Variants in CASKIN2 observed in about 807,000 individuals in gnomAD.
CASKIN2 encodes caskin-2.
A neutral mutation model predicts 107.1 loss-of-function variants in CASKIN2; 41 were observed. The ratio of observed to expected loss-of-function variants is 0.38; its 90% CI spans 0.30 to 0.50. The LOEUF (loss-of-function observed/expected upper bound fraction) is 0.50, where lower values mean the gene tolerates loss of function less well. Among genes scored for constraint, CASKIN2 ranks in the 20% least tolerant of loss-of-function variants. The pLI is 0.92. For synonymous variants in CASKIN2, 724 were observed against 705.6 expected, an observed-to-expected ratio of 1.03 and a Z score of -0.41; for missense variants, 1,546 against 1,657.4, an observed-to-expected ratio of 0.93 and a Z score of 1.17.
At chr17:75,513,608 C>T (rs968899208) in intron 2 of CASKIN2, 103 bp downstream of exon 2, 3 of 951,272 alleles carry the variant, frequency 3.2e-6, no homozygotes, top group Admixed American at 2.0e-5. Flanking sequence ...AGACAGTCCA[C>T]CCTCCTCAAA....
At position 75,502,229 on chromosome 17, in the gene CASKIN2, C is replaced by A. The variant is rs753175819; in HGVS notation, c.2845G>T (p.Gly949Trp). The A allele has an allele frequency of 6.9e-6, 11 of 1,582,910 alleles. No homozygotes were observed. Among genetic ancestry groups the A allele is most frequent in the Non-Finnish European group, 7.7e-6 (9 of 1,170,078 alleles). ...TTCCCTTCCTCTGCAAACGGCAGCC[C>A]TTCCCCAGAGCTGCCCCGAGATGGG... ...TPPSRGSSGE[G>W]LPFAEEGNLT... Residue 949 changes from glycine (G) to tryptophan (W), a missense_variant, in exon 18 of 20, where the codon GGG becomes TGG. Gly to Trp is a radical substitution (Grantham distance 184). Around this residue, in one of 6 missense-constraint regions of CASKIN2, gnomAD observed 1,311 missense variants for 1,311.0 expected, o/e 1.00. Transcript: ENST00000321617. This position sits in a 1 kb window ranked among gnomAD's most constrained non-coding sequence, Gnocchi z 4.3.
At chr17:75,512,234 AGAG>A (rs2053321377) in intron 2 of CASKIN2, among the ~76,000 whole-genome samples, 1 of 152,208 alleles carries the variant, frequency 6.6e-6, no homozygotes. Flanking sequence ...CCTGAACTCC[AGAG>A]GAGACCTTCC....
Position 75,502,473 on chromosome 17 carries a change from G to GA in CASKIN2, c.2600_2601insT (p.Pro870AlafsTer22). On this transcript the variant is annotated frameshift_variant, in exon 18 of 20. Coordinates refer to ENST00000321617, the MANE Select transcript of CASKIN2 (RefSeq NM_020753.5). LOFTEE classifies it high-confidence loss of function. The surrounding 1 kb of genome is among the most constrained non-coding windows in gnomAD (Gnocchi z 4.3). Reference sequence around the variant, plus strand: ...GGCGCTTGGGGGGCGGGGGCGGGGGGCCTTTGCGCCGGGCCCGCAGGGCAA... The same window carrying GA: ...GGCGCTTGGGGGGCGGGGGCGGGGGGACCTTTGCGCCGGGCCCGCAGGGCAA... 1 of 1,437,608 alleles carries GA rather than the reference G, an allele frequency of 7.0e-7. No individual in the cohort carries two copies. Among genetic ancestry groups the GA allele is most frequent in the Non-Finnish European group, 9.2e-7 (1 of 1,086,134 alleles). 89.1% of individuals were successfully genotyped at this position (1,437,608 alleles called of 1,614,324 possible).
chr17:75,502,970 C>T lies in CASKIN2; in HGVS notation c.2104G>A (p.Gly702Arg), dbSNP rs748324444. ...TGGCCAGACCCCCGTGAGCGTGCCCCGATGCTCTCCTGGCTGGGAGAGCGG... is the reference window on the plus strand; with the variant it reads ...TGGCCAGACCCCCGTGAGCGTGCCCTGATGCTCTCCTGGCTGGGAGAGCGG... ...PARSPSQESI[G>R]ARSRGSGHSQ... The change falls in exon 18 of 20, where the codon GGG (glycine) becomes AGG (arginine). Residue 702 changes from glycine (G) to arginine (R), a missense_variant. Coordinates refer to ENST00000321617, the MANE Select transcript of CASKIN2 (RefSeq NM_020753.5). The surrounding 1 kb of genome is among the most constrained non-coding windows in gnomAD (Gnocchi z 4.3). 2.6e-5 allele frequency: 42 copies of T among 1,599,262 alleles called. No individual in the cohort carries two copies. Among genetic ancestry groups the T allele is most frequent in the East Asian group, 2.2e-5 (1 of 44,680 alleles).
chr17:75,508,373 C>G (rs1165694785), intron 2 of CASKIN2, 88 bp from the exon 3 acceptor site: 3 of 1,447,924 alleles, frequency 2.1e-6, no homozygotes, highest in Non-Finnish European at 1.9e-6. Flanking sequence ...CCCGGCTGAC[C>G]TCTTGGCGTG....
At position 75,504,850 on chromosome 17, in the gene CASKIN2, C is replaced by T. The variant is rs77062784; in HGVS notation, c.1154G>A (p.Ser385Asn). ...AEEPPHPLTYSQLPRVGLSPD... is the reference protein window; with the variant it reads ...AEEPPHPLTYNQLPRVGLSPD... ...GCTGAGGCCCACCCGAGGAAGCTGG[C>T]TGTAGGTAAGAGGGTGCGGGGGTTC... Residue 385 changes from serine to asparagine, a missense_variant, in exon 11 of 20, where the codon AGC becomes AAC. Physicochemically the swap from Ser to Asn is conservative, Grantham distance 46. Transcript: ENST00000321617. The T allele has an allele frequency of 1.2e-3, 1,985 of 1,609,528 alleles. 7 individuals carry two copies. In the Middle Eastern group the frequency reaches 0.026, roughly 21 times the overall value.
In CASKIN2 at chr17:75,500,727, G is replaced by A. The variant is rs1000240380; in HGVS notation, c.*353C>T. 1 of 299,196 alleles carries A rather than the reference G, an allele frequency of 3.3e-6. No homozygotes were observed. Among genetic ancestry groups the A allele is most frequent in the African/African-American group, 2.2e-5 (1 of 44,526 alleles). 18.5% of individuals were successfully genotyped at this position (299,196 alleles called of 1,614,324 possible). On this transcript the variant is annotated 3_prime_UTR_variant, in exon 20 of 20. Transcript: ENST00000321617. ...TCCCTTGGCACAACTTGGGACATGG[G>A]CTGGGGGGTACAGAGAAAGCACCCC...
chr17:75,509,453 A>C lies in CASKIN2; in HGVS notation c.95-1168T>G, dbSNP rs2053298680. 4.3e-6 allele frequency: 2 copies of C among 469,962 alleles called. 1 individual carries two copies. The highest frequency in any genetic ancestry group is 1.8e-4 in the South Asian group (2 of 11,098). 29.1% of individuals were successfully genotyped at this position (469,962 alleles called of 1,614,324 possible). A position where few individuals can be genotyped will look rare whatever the true frequency, so the allele number is the denominator to read the frequency against. ...GGAGGGACCAACCTGGCAGTAGGGA[A>C]CATGGCACAGGGAGGGAGGGGACAG... On this transcript the variant is annotated intron_variant, in intron 2 of 19. Coordinates refer to ENST00000321617, the MANE Select transcript of CASKIN2 (RefSeq NM_020753.5).
At position 75,508,246 on chromosome 17, in the gene CASKIN2, T is replaced by C. The variant is rs2053285987; in HGVS notation, c.134A>G (p.Gln45Arg). 2 of 1,613,850 alleles carry C rather than the reference T, an allele frequency of 1.2e-6. No homozygotes were observed. The highest frequency in any genetic ancestry group is 1.7e-6 in the Non-Finnish European group (2 of 1,179,886). The change falls in exon 3 of 20, where the codon CAG (glutamine) becomes CGG (arginine). Residue 45 changes from glutamine to arginine, a missense_variant. Around this residue, in one of 6 missense-constraint regions of CASKIN2, gnomAD observed 136 missense variants for 198.6 expected, o/e 0.68. Transcript: ENST00000321617. ...GGCTCCCACTCACCCATCAGCATCC[T>C]GGTAGTTCACGTTGAGCCTCTTTGT... ...GSTKRLNVNY[Q>R]DADGFSALHH...
rs540824034 is a variant in CASKIN2 at position 75,503,466 on chromosome 17, C to T, written c.1742G>A (p.Ser581Asn). The change falls in exon 17 of 20, where the codon AGC (serine) becomes AAC (asparagine). Residue 581 changes from serine (S) to asparagine (N), a missense_variant. Transcript: ENST00000321617. ...CAGCCCCATGGAGTCGTAGCCGCTGCTCACCAGCTGCTTGTGGTACTGTGG... is the reference window on the plus strand; with the variant it reads ...CAGCCCCATGGAGTCGTAGCCGCTGTTCACCAGCTGCTTGTGGTACTGTGG... Reference protein sequence around the residue: ...GLPQYHKQLVSSGYDSMGLVA... With the variant: ...GLPQYHKQLVNSGYDSMGLVA... 6.2e-7 allele frequency: 1 copy of T among 1,612,772 alleles called. No individual in the cohort carries two copies. The highest frequency in any genetic ancestry group is 2.2e-5 in the East Asian group (1 of 44,882).
At position 75,501,511 on chromosome 17, in the gene CASKIN2, G is replaced by A. The variant is rs780018785; in HGVS notation, c.3475C>T (p.Leu1159=). ...EQTSSSLAAA[L]RAAEKSIGTK... ...CCAATGCTCTTCTCTGCGGCTCTCA[G>A]TGCAGCTGCCAGGGACGAGCTGGTC... is the stretch of plus-strand genomic sequence containing the variant. Residue 1159 remains leucine (L), a synonymous_variant, in exon 19 of 20, where the codon CTG becomes TTG. Transcript: ENST00000321617. The A allele has an allele frequency of 6.2e-7, 1 of 1,612,430 alleles. No homozygotes were observed. The highest frequency in any genetic ancestry group is 1.1e-5 in the South Asian group (1 of 91,070).
In CASKIN2 at chr17:75,502,783, G is replaced by A. The variant is rs995087153; in HGVS notation, c.2291C>T (p.Ser764Phe). ...AGGAGGTGGCCCTGGGGCCGGGCTA[G>A]AGGGTGAGCCCTGGGGGTACATAAA... The part of the protein sequence containing the change: ...YVFMYPQGSP[S>F]SPAPGPPPGA... Residue 764 changes from serine to phenylalanine, a missense_variant, in exon 18 of 20, where the codon TCT becomes TTT. By Grantham distance (155) the Ser-to-Phe change is radical. Transcript: ENST00000321617. This position sits in a 1 kb window ranked among gnomAD's most constrained non-coding sequence, Gnocchi z 4.3. The A allele has an allele frequency of 6.2e-7, 1 of 1,601,964 alleles. No homozygotes were observed.
chr17:75,512,219 G>C (rs1330100395), intron 2 of CASKIN2, among the ~76,000 whole-genome samples: 1 of 152,198 alleles, frequency 6.6e-6, no homozygotes, highest in Non-Finnish European at 1.5e-5. Flanking sequence ...CTTGGGGCTA[G>C]AGCCCCTGAA....
rs2053267531 is a variant in CASKIN2 at position 75,506,528 on chromosome 17, G to C, written c.617+55C>G. The C allele has an allele frequency of 6.2e-7, 1 of 1,605,082 alleles. No individual in the cohort carries two copies. Among genetic ancestry groups the C allele is most frequent in the African/African-American group, 1.3e-5 (1 of 74,756 alleles). On this transcript the variant is annotated intron_variant, in intron 7 of 19. Coordinates refer to ENST00000321617, the MANE Select transcript of CASKIN2 (RefSeq NM_020753.5). The surrounding 1 kb of genome is among the most constrained non-coding windows in gnomAD (Gnocchi z 4.8). The stretch of plus-strand genomic sequence containing the variant: ...AGGGCAGTGGGGGAGAGCACTGAGG[G>C]GCACCGATGGTCCCGCAGGCAGGTG...
chr17:75,507,547 G>A (rs775266832), intron 4 of CASKIN2, 37 bp downstream of exon 4: 2 of 1,522,938 alleles, frequency 1.3e-6, no homozygotes, highest in Non-Finnish European at 1.8e-6. Context: ...GCCCCTACCT[G>A]CCCAGGGTGG....
At chr17:75,507,790 G>C in intron 3 of CASKIN2, 109 bp from the exon 4 acceptor site, 1 of 810,496 alleles carries the variant, frequency 1.2e-6, no homozygotes, top group Non-Finnish European at 2.0e-6. Context: ...ATGGGTTACT[G>C]GCCCCCCCAA....
chr17:75,514,900 C>G (rs1336081049), intron 1 of CASKIN2, among the ~76,000 whole-genome samples: 1 of 151,918 alleles, frequency 6.6e-6, no homozygotes, highest in African/African-American at 2.4e-5. Flanking sequence ...CCAAGCCCCC[C>G]AAGCCTGAAC....
chr17:75,509,442 G>T, intron 2 of CASKIN2: 1 of 389,732 alleles, frequency 2.6e-6, no homozygotes, highest in Non-Finnish European at 3.5e-6. Context: ...GGACCAACCT[G>T]GCAGTAGGGA....
chr17:75,514,401 G>C (rs569555411), intron 1 of CASKIN2, among the ~76,000 whole-genome samples, 193 bp from the exon 2 acceptor site: 1 of 152,076 alleles, frequency 6.6e-6, no homozygotes, highest in African/African-American at 2.4e-5. Flanking sequence ...GAGTATTGGT[G>C]GGGGGGAGGT....
Sources: gnomAD v4.1 joint callset for allele counts (sites outside exome capture counted in the v4.1 genomes callset) on GRCh38, gnomAD v4.1.1 for gene constraint, gnomAD v4.1.1 regional missense constraint, Gnocchi (gnomAD v3.1) non-coding constraint, MANE v1.5 for transcripts, NCBI Gene and HGNC (gene_info 2026-07-23, HGNC 2026-07-21) for gene names.